FBXL22: variants seen among roughly 807,000 people sequenced by gnomAD.
FBXL22 encodes F-box and leucine-rich protein 22.
In FBXL22, 13 loss-of-function variants were observed where a neutral mutation model predicts 11.7. That is an observed-to-expected ratio of 1.11 (90% CI 0.73 to 1.77). The LOEUF (loss-of-function observed/expected upper bound fraction) is 1.77, where lower values mean the gene tolerates loss of function less well. FBXL22 is among the 40% of genes most tolerant of loss of function. The probability of loss-of-function intolerance (pLI) is 0.00; values close to 1 mark genes in which losing one functional copy is unlikely to be tolerated. For synonymous variants in FBXL22, 160 were observed against 144.1 expected, an observed-to-expected ratio of 1.11 and a Z score of -0.79; for missense variants, 406 against 320.4, an observed-to-expected ratio of 1.27 and a Z score of -2.04.
rs1595796685 is a variant in FBXL22 at position 63,600,979 on chromosome 15, C to T, written c.636C>T (p.Pro212=). 2 of 1,192,254 alleles carry T rather than the reference C, an allele frequency of 1.7e-6. No individual in the cohort carries two copies. Among genetic ancestry groups the T allele is most frequent in the Non-Finnish European group, 1.0e-6 (1 of 963,016 alleles). 73.9% of individuals were successfully genotyped at this position (1,192,254 alleles called of 1,614,324 possible). Residue 212 remains proline (P), a synonymous_variant, in exon 2 of 2, where the codon CCC becomes CCT. Coordinates refer to ENST00000638704, the MANE Select transcript of FBXL22 (RefSeq NM_001367807.1). ...CAGAGCACAGCGCCGCCATGCTGCCCGACCAGCCCCCGCGCCCGCGCGCGC... is the reference window on the plus strand; with the variant it reads ...CAGAGCACAGCGCCGCCATGCTGCCTGACCAGCCCCCGCGCCCGCGCGCGC... ...LRAEHSAAML[P]DQPPRPRAPA...
In FBXL22 at chr15:63,600,492, G is replaced by A. The variant is rs559010071; in HGVS notation, c.354-205G>A. ...GAGCCAAGAACCCACGCAGATGAAG[G>A]TACGGTGGGGTGCAGGGGCAGAAAG... On this transcript the variant is annotated intron_variant, in intron 1 of 1. Coordinates refer to ENST00000638704, the MANE Select transcript of FBXL22 (RefSeq NM_001367807.1). 447 of 1,225,812 alleles carry A rather than the reference G, an allele frequency of 3.6e-4. No homozygotes were observed. In the African/African-American group the frequency reaches 6.3e-3, roughly 17 times the overall value. 75.9% of individuals were successfully genotyped at this position (1,225,812 alleles called of 1,614,324 possible).
chr15:63,599,712 AAG>A (rs1354595710), intron 1 of FBXL22: 5 of 987,112 alleles, frequency 5.1e-6, no homozygotes, highest in Non-Finnish European at 6.0e-6. Context: ...CTGGCAGGGA[AAG>A]GGAAACGCTT....
downstream of FBXL22, among the ~76,000 whole-genome samples, chr15:63,607,044 G>C (rs558715337): frequency 6.9e-6 from 1 of 145,450 alleles, no homozygotes; most frequent in East Asian, 2.1e-4. Flanking sequence ...CCAGGATCTT[G>C]GCAGCACAGA....
downstream of FBXL22, chr15:63,601,992 C>A (rs1175797259): frequency 9.0e-6 from 3 of 332,784 alleles, no homozygotes; most frequent in Non-Finnish European, 1.6e-5. Context: ...AGGCTCTCGG[C>A]CCCCCGGCAG....
chr15:63,600,602 A>C, intron 1 of FBXL22, 95 bp from the exon 2 acceptor site: 3 of 1,230,188 alleles, frequency 2.4e-6, no homozygotes, highest in Non-Finnish European at 3.0e-6. Flanking sequence ...GCAGGGCCCG[A>C]GTCCTCCTCG....
At chr15:63,603,522 G>A (rs2067396912), downstream of FBXL22, among the ~76,000 whole-genome samples, 1 of 152,182 alleles carries the variant, frequency 6.6e-6, no homozygotes, top group Non-Finnish European at 1.5e-5. Context: ...ATTAATGTGA[G>A]GAAGAAATGA....
rs117969819 is a variant in FBXL22, at chr15:63,598,171, A to G, written c.353+426A>G. Among the ~76,000 whole-genome samples the G allele has an allele frequency of 5.4e-3, 820 of 152,274 alleles. 9 individuals are homozygous for G. Among genetic ancestry groups the G allele is most frequent in the Non-Finnish European group, 6.9e-3 (471 of 67,994 alleles). On this transcript the variant is annotated intron_variant, in intron 1 of 1. Transcript: ENST00000638704. ...CGGAGGAAAGAGAGGGTGGGGAGCC[A>G]GAGGTGGAGAAGCCAGGGTGCTCAG... is the stretch of plus-strand genomic sequence containing the variant.
intron 1 of FBXL22, chr15:63,600,440 C>A (rs1266327442): frequency 1.7e-6 from 2 of 1,206,586 alleles, no homozygotes; most frequent in Non-Finnish European, 2.1e-6. Context: ...GGGGTCGGGG[C>A]TTCCCACTAG....
At chr15:63,601,784 G>A, downstream of FBXL22, 2 of 1,374,748 alleles carry the variant, frequency 1.5e-6, no homozygotes, top group Non-Finnish European at 1.9e-6. Flanking sequence ...AAGGGAAAAA[G>A]AAATGATTTG....
downstream of FBXL22, among the ~76,000 whole-genome samples, chr15:63,603,509 C>T (rs370970043): frequency 3.3e-5 from 5 of 152,156 alleles, no homozygotes; most frequent in South Asian, 1.0e-3. Context: ...AGTGGATGGA[C>T]AGATTAATGT....
chr15:63,600,717 T>A lies in FBXL22; in HGVS notation c.374T>A (p.Val125Asp). ...VCDRCPNLAS[V>D]TLSGCGHVTD... ...CACAGGTGCCCCAACCTGGCGTCCG[T>A]CACGCTCTCGGGCTGCGGCCACGTT... The change falls in exon 2 of 2, where the codon GTC becomes GAC. Residue 125 changes from valine to aspartate, a missense_variant. By Grantham distance (152) the Val-to-Asp change is radical. Coordinates refer to ENST00000638704, the MANE Select transcript of FBXL22 (RefSeq NM_001367807.1). 1 of 1,231,486 alleles carries A rather than the reference T, an allele frequency of 8.1e-7. No individual in the cohort carries two copies. Among genetic ancestry groups the A allele is most frequent in the Non-Finnish European group, 1.0e-6 (1 of 987,774 alleles). 76.3% of individuals were successfully genotyped at this position (1,231,486 alleles called of 1,614,324 possible).
downstream of FBXL22, among the ~76,000 whole-genome samples, chr15:63,602,612 G>C (rs2067388133): frequency 7.2e-6 from 1 of 139,306 alleles, no homozygotes; most frequent in South Asian, 2.3e-4. Flanking sequence ...AAAAAAAAAT[G>C]GTAGAAAGTA....
chr15:63,599,362 C>G, intron 1 of FBXL22: 1 of 1,433,154 alleles, frequency 7.0e-7, no homozygotes, highest in Non-Finnish European at 9.1e-7. Flanking sequence ...ACCTTTGAGG[C>G]TTAAACACCT....
chr15:63,601,387 G>C, downstream of FBXL22: 5 of 1,603,248 alleles, frequency 3.1e-6, no homozygotes, highest in Non-Finnish European at 4.3e-6. Flanking sequence ...ACCTCGGTGG[G>C]GAGGACCTGA....
chr15:63,608,436 C>T, the FBXL22 span, among the ~76,000 whole-genome samples: 3 of 152,148 alleles, frequency 2.0e-5, no homozygotes, highest in African/African-American at 2.4e-5. Flanking sequence ...TAGAACCACA[C>T]GGTTCTCTGA....
chr15:63,601,071 G>T lies in FBXL22; in HGVS notation c.*32G>T. 1.6e-6 allele frequency: 2 copies of T among 1,235,666 alleles called. No homozygotes were observed. Among genetic ancestry groups the T allele is most frequent in the Non-Finnish European group, 1.0e-6 (1 of 990,060 alleles). The allele number at this position is 1,235,666 out of a possible 1,614,324, so 76.5% of individuals were successfully genotyped here. On this transcript the variant is annotated 3_prime_UTR_variant, in exon 2 of 2. Transcript: ENST00000638704. ...CCCCGCCGCTGCCCCCGGGGAAGGA[G>T]CGCAGCCCCAGACCGTCCTGGCTTC...
chr15:63,607,147 G>A (rs1296633888), downstream of FBXL22, among the ~76,000 whole-genome samples: 3 of 151,476 alleles, frequency 2.0e-5, no homozygotes, highest in Non-Finnish European at 4.4e-5. Context: ...TCGGGTTCAT[G>A]CCATTCTCCT....
downstream of FBXL22, chr15:63,601,339 C>T: frequency 6.2e-7 from 1 of 1,602,964 alleles, no homozygotes; most frequent in South Asian, 1.1e-5. Context: ...GGCGCCTGCA[C>T]CGTCCTCGGG....
downstream of FBXL22, among the ~76,000 whole-genome samples, chr15:63,604,570 T>C (rs889223518): frequency 2.0e-5 from 3 of 152,124 alleles, no homozygotes; most frequent in Non-Finnish European, 4.4e-5. Flanking sequence ...GACACATGGC[T>C]CTCCACTCTG....
Sources: gnomAD v4.1 joint callset for allele counts (sites outside exome capture counted in the v4.1 genomes callset) on GRCh38, gnomAD v4.1.1 for gene constraint, MANE v1.5 for transcripts, NCBI Gene and HGNC (gene_info 2026-07-23, HGNC 2026-07-21) for gene names.